DNAH11: variants seen among roughly 807,000 people sequenced by gnomAD.
DNAH11 encodes the protein axonemal beta dynein heavy chain 11.
DNAH11 carries 442 observed loss-of-function variants against 526.0 expected under a neutral mutation model. The observed-to-expected ratio is 0.84, with a 90% CI of 0.78 to 0.91. The LOEUF (loss-of-function observed/expected upper bound fraction) is 0.91. Among genes scored for constraint, DNAH11 ranks in the 40% least tolerant of loss-of-function variants. The pLI is 0.00. For missense variants in DNAH11, 6,989 were observed against 5,448.7 expected, an observed-to-expected ratio of 1.28 and a Z score of -8.90; for synonymous variants, 2,461 against 1,935.9, an observed-to-expected ratio of 1.27 and a Z score of -7.12.
In DNAH11 at chr7:21,598,678, A is replaced by G. The variant is rs540359353; in HGVS notation, c.2668-1109A>G. Among the ~76,000 whole-genome samples the G allele has an allele frequency of 2.6e-4, 39 of 152,324 alleles. 1 individual carries two copies. The South Asian group carries it at 7.2e-3, about 28-fold the overall frequency. On this transcript the variant is annotated intron_variant, in intron 14 of 81. Transcript: ENST00000409508. ...GAAGGTTTATTGTACAGATTATTTTATCACCCAGGTATTATGCCTAGTACC... is the reference window on the plus strand; with the variant it reads ...GAAGGTTTATTGTACAGATTATTTTGTCACCCAGGTATTATGCCTAGTACC...
At chr7:21,899,236 C>T (rs1784647294) in intron 79 of DNAH11, 100 bp from the exon 80 acceptor site, 2 of 886,906 alleles carry the variant, frequency 2.3e-6, no homozygotes, top group South Asian at 2.7e-5. Context: ...GTATACTTCT[C>T]CTCCACCACC....
chr7:21,749,575 G>T (rs1008234204), intron 52 of DNAH11, 103 bp from the exon 53 acceptor site: 28 of 1,491,790 alleles, frequency 1.9e-5, no homozygotes, highest in African/African-American at 4.1e-5. Context: ...ACCCCACAGT[G>T]CTATGGCGAT....
chr7:21,859,194 A>G (rs941487340), intron 68 of DNAH11, among the ~76,000 whole-genome samples: 1 of 152,064 alleles, frequency 6.6e-6, no homozygotes, highest in Non-Finnish European at 1.5e-5. Flanking sequence ...GCTCACTGCA[A>G]TCTCCACCTC....
chr7:21,657,099 A>T (rs559834220), intron 29 of DNAH11, among the ~76,000 whole-genome samples: 1 of 152,348 alleles, frequency 6.6e-6, no homozygotes, highest in South Asian at 2.1e-4. Context: ...TAAGCAACTT[A>T]TGCTAGAGAC....
chr7:21,593,840 T>A (rs1219004696), intron 14 of DNAH11, among the ~76,000 whole-genome samples: 2 of 152,026 alleles, frequency 1.3e-5, no homozygotes, highest in Non-Finnish European at 2.9e-5. Flanking sequence ...CCTTAATCCA[T>A]GAATACTCTC....
In DNAH11 at chr7:21,655,953, T is replaced by A. The variant is rs1354114692; in HGVS notation, c.5066T>A (p.Phe1689Tyr). 4 of 1,608,686 alleles carry A rather than the reference T, an allele frequency of 2.5e-6. No homozygotes were observed. Among genetic ancestry groups the A allele is most frequent in the Non-Finnish European group, 3.4e-6 (4 of 1,177,068 alleles). ...MYSKEKEYVP[F>Y]QAECECVGHV... ...AGCAAAGAAAAGGAGTATGTCCCAT[T>A]CCAAGCCGAGTGTGAATGTGTGGGC... Residue 1689 changes from phenylalanine to tyrosine, a missense_variant, in exon 29 of 82, where the codon TTC becomes TAC. Coordinates refer to ENST00000409508, the MANE Select transcript of DNAH11 (RefSeq NM_001277115.2).
At chr7:21,668,277 T>C (rs1416428676) in intron 30 of DNAH11, among the ~76,000 whole-genome samples, 7 of 152,086 alleles carry the variant, frequency 4.6e-5, no homozygotes, top group African/African-American at 1.7e-4. Context: ...TTCTTGAAAA[T>C]AGAGATAGTA....
At chr7:21,650,036 C>T (rs1373900146) in intron 28 of DNAH11, among the ~76,000 whole-genome samples, 1 of 152,014 alleles carries the variant, frequency 6.6e-6, no homozygotes, top group African/African-American at 2.4e-5. Context: ...TTAAGTTGTA[C>T]ACACATGATT....
chr7:21,697,246 A>C (rs967830775), intron 35 of DNAH11, among the ~76,000 whole-genome samples: 1 of 152,056 alleles, frequency 6.6e-6, no homozygotes, highest in African/African-American at 2.4e-5. Context: ...CGTTGCTGTG[A>C]ATAGCAATTG....
intron 48 of DNAH11, 80 bp from the exon 49 acceptor site, chr7:21,741,847 G>A: frequency 6.7e-7 from 1 of 1,490,370 alleles, no homozygotes; most frequent in Non-Finnish European, 9.1e-7. Context: ...GATACAGGGA[G>A]GAGTGAAAAA....
chr7:21,781,652 T>C (rs1787945164), intron 57 of DNAH11, among the ~76,000 whole-genome samples: 5 of 152,226 alleles, frequency 3.3e-5, no homozygotes, highest in Admixed American at 3.3e-4. Context: ...GTTTCTGTTC[T>C]GAATGTGGGT....
intron 62 of DNAH11, among the ~76,000 whole-genome samples, chr7:21,807,073 G>C (rs1789294242): frequency 6.6e-6 from 1 of 152,178 alleles, no homozygotes; most frequent in Admixed American, 6.5e-5. Flanking sequence ...TAATTAAGTA[G>C]AGTTGTGTTT....
At chr7:21,838,180 T>C (rs542668707) in intron 65 of DNAH11, among the ~76,000 whole-genome samples, 1 of 152,194 alleles carries the variant, frequency 6.6e-6, no homozygotes, top group Admixed American at 6.5e-5. Flanking sequence ...TTGAATAGAT[T>C]GTCCATCAAA....
intron 31 of DNAH11, among the ~76,000 whole-genome samples, chr7:21,682,233 C>A (rs1370673528): frequency 6.6e-6 from 1 of 152,022 alleles, no homozygotes; most frequent in Non-Finnish European, 1.5e-5. Flanking sequence ...TTTTATATAT[C>A]TTTAAAAAGT....
chr7:21,723,762 C>G (rs1350447588), intron 44 of DNAH11, among the ~76,000 whole-genome samples: 4 of 150,382 alleles, frequency 2.7e-5, no homozygotes, highest in Admixed American at 2.7e-4. Context: ...CCACCCCCAG[C>G]TACAGGGTCC....
Position 21,901,305 on chromosome 7 carries a change from T to C in DNAH11, c.*51T>C. The C allele has an allele frequency of 1.3e-6, 2 of 1,549,298 alleles. No individual in the cohort carries two copies. The highest frequency in any genetic ancestry group is 1.7e-6 in the Non-Finnish European group (2 of 1,149,020). ...CTGCTGGAGTGCAGTGAGGATTTTC[T>C]AGCATGTTGCTGCACTGTTCCCATG... On this transcript the variant is annotated 3_prime_UTR_variant, in exon 82 of 82. Coordinates refer to ENST00000409508, the MANE Select transcript of DNAH11 (RefSeq NM_001277115.2).
intron 65 of DNAH11, among the ~76,000 whole-genome samples, chr7:21,840,277 A>G (rs1330691817): frequency 2.6e-5 from 4 of 152,262 alleles, no homozygotes; most frequent in African/African-American, 9.6e-5. Context: ...AAATTGACAA[A>G]TTCAGTGAAA....
At chr7:21,546,084 G>T (rs1782793903) in intron 2 of DNAH11, among the ~76,000 whole-genome samples, 1 of 152,324 alleles carries the variant, frequency 6.6e-6, no homozygotes, top group Non-Finnish European at 1.5e-5. Context: ...TTCTAAATCA[G>T]ACCTCTGTAA....
At position 21,710,870 on chromosome 7, in the gene DNAH11, A is replaced by C. The variant is rs1281881316; in HGVS notation, c.6834+167A>C. ...TCCTGATAATTTTCTTAATTTCACC[A>C]TTAAAGAATTTCAAGGAATATGTTC... On this transcript the variant is annotated intron_variant, in intron 41 of 81. Coordinates refer to ENST00000409508, the MANE Select transcript of DNAH11 (RefSeq NM_001277115.2). Among the ~76,000 whole-genome samples, 3 of 152,186 alleles carry C rather than the reference A, an allele frequency of 2.0e-5. No individual in the cohort carries two copies. The South Asian group carries it at 6.2e-4, about 31-fold the overall frequency.
Sources: gnomAD v4.1 joint callset for allele counts (sites outside exome capture counted in the v4.1 genomes callset) on GRCh38, gnomAD v4.1.1 for gene constraint, MANE v1.5 for transcripts, NCBI Gene and HGNC (gene_info 2026-07-23, HGNC 2026-07-21) for gene names.